The following SBF2 variants were observed in gnomAD, a reference collection of about 807,000 sequenced individuals.
SBF2 encodes myotubularin-related protein 13.
SBF2 carries 112 observed loss-of-function variants against 225.2 expected under a neutral mutation model. The observed-to-expected ratio is 0.50, with a 90% confidence interval of 0.43 to 0.58. The LOEUF (loss-of-function observed/expected upper bound fraction) is 0.58, where lower values mean the gene tolerates loss of function less well. Among genes scored for constraint, SBF2 ranks in the 20% least tolerant of loss-of-function variants. The pLI, the probability that SBF2 is intolerant of heterozygous loss-of-function variation, is 0.00. For synonymous variants in SBF2, 763 were observed against 773.3 expected (o/e 0.99, Z 0.22); for missense variants, 1,996 against 2,206.2 (o/e 0.90, Z 1.91).
At chr11:9,974,875 G>A (rs1288517554) in intron 13 of SBF2, among the ~76,000 whole-genome samples, 4 of 146,020 alleles carry the variant, frequency 2.7e-5, no homozygotes, top group African/African-American at 7.7e-5. Context: ...CAGGAGAATC[G>A]CTTGAACCCA....
At chr11:9,794,982 A>G (rs1020228199) in intron 33 of SBF2, among the ~76,000 whole-genome samples, 4 of 152,166 alleles carry the variant, frequency 2.6e-5, no homozygotes, top group Non-Finnish European at 5.9e-5. Context: ...ACATCAGTAA[A>G]TATTTTCTTG....
chr11:9,802,266 T>G (rs1478498189), intron 32 of SBF2, among the ~76,000 whole-genome samples: 1 of 152,250 alleles, frequency 6.6e-6, no homozygotes, highest in African/African-American at 2.4e-5. Flanking sequence ...TCATTTGAGC[T>G]AAGCCAATTT....
intron 2 of SBF2, among the ~76,000 whole-genome samples, chr11:10,126,882 TA>T (rs1953780508): frequency 6.6e-6 from 1 of 152,140 alleles, no homozygotes; most frequent in African/African-American, 2.4e-5. Context: ...TGATACTTGC[TA>T]TACCATGGAT....
At chr11:10,238,252 C>T (rs1210913646) in intron 1 of SBF2, among the ~76,000 whole-genome samples, 1 of 151,664 alleles carries the variant, frequency 6.6e-6, no homozygotes, top group African/African-American at 2.4e-5. Context: ...CTACAAAGAA[C>T]AGGAAAACCA....
At chr11:9,912,490 C>T (rs1382722858) in intron 16 of SBF2, among the ~76,000 whole-genome samples, 1 of 151,884 alleles carries the variant, frequency 6.6e-6, no homozygotes, top group Admixed American at 6.6e-5. Flanking sequence ...GAGGCTGAGG[C>T]AGAATAGCTT....
intron 2 of SBF2, among the ~76,000 whole-genome samples, chr11:10,176,815 G>T (rs1956485670): frequency 6.6e-6 from 1 of 152,136 alleles, no homozygotes; most frequent in Admixed American, 6.5e-5. Context: ...AATAGAAAAA[G>T]AAGGAATCCT....
chr11:9,875,275 G>T (rs1217091426), intron 17 of SBF2, among the ~76,000 whole-genome samples: 2 of 152,200 alleles, frequency 1.3e-5, no homozygotes, highest in Non-Finnish European at 2.9e-5. Context: ...AGAATAAATA[G>T]CTATAAAGTT....
intron 1 of SBF2, among the ~76,000 whole-genome samples, chr11:10,284,325 T>C (rs910337036): frequency 7.2e-5 from 11 of 152,188 alleles, no homozygotes; most frequent in Non-Finnish European, 1.5e-4. Flanking sequence ...CATGAAGATA[T>C]ATGTATCCAC....
chr11:10,291,542 C>T (rs1286629039), intron 1 of SBF2, among the ~76,000 whole-genome samples: 6 of 152,154 alleles, frequency 3.9e-5, no homozygotes, highest in South Asian at 2.1e-4. Context: ...GGTCTCACTT[C>T]GGCTGGATGT....
intron 1 of SBF2, among the ~76,000 whole-genome samples, chr11:10,230,397 T>C (rs1299527486): frequency 1.3e-5 from 2 of 152,222 alleles, no homozygotes; most frequent in Non-Finnish European, 2.9e-5. Context: ...TGCAGTTTCT[T>C]CCTAGCCTTG....
At chr11:9,998,776 G>A (rs891258756) in intron 8 of SBF2, among the ~76,000 whole-genome samples, 2 of 152,198 alleles carry the variant, frequency 1.3e-5, no homozygotes, top group Admixed American at 6.5e-5. Context: ...AAGAAGGAAG[G>A]AAACTTGGAT....
chr11:9,999,927 G>T (rs1947884112), intron 8 of SBF2, among the ~76,000 whole-genome samples: 1 of 152,194 alleles, frequency 6.6e-6, no homozygotes, highest in Admixed American at 6.5e-5. Flanking sequence ...AACAGAAGAA[G>T]AATTACAAAA....
chr11:10,193,811 T>A, intron 2 of SBF2, 91 bp downstream of exon 2: 1 of 892,828 alleles, frequency 1.1e-6, no homozygotes, highest in East Asian at 2.6e-5. Context: ...TATCAAATTA[T>A]TTAACAGCAA....
At chr11:10,062,707 T>G (rs1230213848) in intron 2 of SBF2, among the ~76,000 whole-genome samples, 1 of 152,174 alleles carries the variant, frequency 6.6e-6, no homozygotes, top group African/African-American at 2.4e-5. Flanking sequence ...GGCAAGGTTG[T>G]GGAGAAAAGA....
chr11:10,297,785 A>G (rs1439473680), upstream of SBF2, among the ~76,000 whole-genome samples: 2 of 152,382 alleles, frequency 1.3e-5, no homozygotes, highest in African/African-American at 2.4e-5. Context: ...TCCTAGGTAC[A>G]TGTAGAAAGG....
intron 13 of SBF2, among the ~76,000 whole-genome samples, chr11:9,978,990 T>C (rs930152084): frequency 6.6e-6 from 1 of 152,158 alleles, no homozygotes. Flanking sequence ...CAGAGTGAGA[T>C]CTTGTCTCAA....
At chr11:9,875,193 C>A (rs778815780) in intron 17 of SBF2, among the ~76,000 whole-genome samples, 5 of 152,138 alleles carry the variant, frequency 3.3e-5, no homozygotes, top group Non-Finnish European at 5.9e-5. Flanking sequence ...AATAATTATG[C>A]CTAGAATTCT....
intron 3 of SBF2, among the ~76,000 whole-genome samples, chr11:10,034,045 G>T (rs1054589246): frequency 6.6e-6 from 1 of 152,132 alleles, no homozygotes; most frequent in Non-Finnish European, 1.5e-5. Context: ...TAAAGGCTTT[G>T]CCAACTTAAG....
chr11:9,971,715 A>G (rs531833810), intron 13 of SBF2, among the ~76,000 whole-genome samples: 4 of 152,238 alleles, frequency 2.6e-5, no homozygotes, highest in African/African-American at 9.6e-5. Context: ...AAGGATGCAC[A>G]TATCACTTCT....
Sources: allele counts gnomAD v4.1 joint callset (sites outside exome capture counted in the v4.1 genomes callset), GRCh38; gene constraint gnomAD v4.1.1; transcripts MANE v1.5; gene names NCBI Gene and HGNC (gene_info 2026-07-23, HGNC 2026-07-21).